The following HAS2 variants were observed in gnomAD, a reference collection of about 807,000 sequenced individuals.
HAS2 encodes hyaluronan synthase 2.
Under a neutral mutation model 51.6 loss-of-function variants are expected in HAS2, and 16 were observed. The observed-to-expected ratio is 0.31, with a 90% CI of 0.21 to 0.47. The LOEUF is 0.47. Among genes scored for constraint, HAS2 ranks in the 20% least tolerant of loss-of-function variants. The pLI, the probability that HAS2 is intolerant of heterozygous loss-of-function variation, is 1.00. For synonymous variants in HAS2, 228 were observed against 235.5 expected (o/e 0.97, Z 0.29); for missense variants, 361 against 662.6 (o/e 0.54, Z 5.00).
At chr8:121,627,560 G>T (rs889467271) in intron 2 of HAS2, among the ~76,000 whole-genome samples, 1 of 152,114 alleles carries the variant, frequency 6.6e-6, no homozygotes, top group African/African-American at 2.4e-5. Flanking sequence ...TTATATCAAT[G>T]ATAATATCAT....
In HAS2 at chr8:121,612,585, G is replaced by T. The variant is rs1812651450; in HGVS notation, c.*1524C>A. The T allele has an allele frequency of 6.6e-6, 1 of 152,062 alleles. No individual in the cohort carries two copies. Among genetic ancestry groups the T allele is most frequent in the Non-Finnish European group, 1.5e-5 (1 of 68,010 alleles). 9.4% of individuals were successfully genotyped at this position (152,062 alleles called of 1,614,324 possible). A position where few individuals can be genotyped will look rare whatever the true frequency, so the allele number is the denominator to read the frequency against. ...TGTGTTTTCAACACAGGTCTACACA[G>T]CACCAGCTACAAGGCAAGGTCAATC... On this transcript the variant is annotated 3_prime_UTR_variant, in exon 4 of 4. Transcript: ENST00000303924.
chr8:121,627,423 T>C (rs1485224191), intron 2 of HAS2, among the ~76,000 whole-genome samples: 1 of 152,140 alleles, frequency 6.6e-6, no homozygotes, highest in Non-Finnish European at 1.5e-5. Flanking sequence ...ATTAACATAA[T>C]GAAGAAATGT....
chr8:121,625,600 C>T (rs1812837071), intron 2 of HAS2, among the ~76,000 whole-genome samples: 1 of 151,394 alleles, frequency 6.6e-6, no homozygotes, highest in South Asian at 2.1e-4. Flanking sequence ...CAGCCTGGAC[C>T]TCCCAGGCTC....
rs969164651 is a variant in HAS2 at position 121,613,222 on chromosome 8, G to A, written c.*887C>T. 1 of 151,946 alleles carries A rather than the reference G, an allele frequency of 6.6e-6. No individual in the cohort carries two copies. Among genetic ancestry groups the A allele is most frequent in the Non-Finnish European group, 1.5e-5 (1 of 67,986 alleles). 9.4% of individuals were successfully genotyped at this position (151,946 alleles called of 1,614,324 possible). On this transcript the variant is annotated 3_prime_UTR_variant, in exon 4 of 4. Transcript: ENST00000303924. ...TTTTTTAAATCTTAATGAAAAAATT[G>A]CACTACCTTTGGCCTTGATTTTCAA...
intron 2 of HAS2, among the ~76,000 whole-genome samples, chr8:121,623,226 C>T (rs937459164): frequency 6.6e-6 from 1 of 151,980 alleles, no homozygotes; most frequent in Non-Finnish European, 1.5e-5. Context: ...CAATCTCTTC[C>T]AATTATTAAA....
Position 121,629,109 on chromosome 8 carries a change from G to A in HAS2, c.232C>T (p.Pro78Ser), listed in dbSNP as rs751650446. 33 of 1,613,926 alleles carry A rather than the reference G, an allele frequency of 2.0e-5. No individual in the cohort carries two copies. The highest frequency in any genetic ancestry group is 2.5e-5 in the Non-Finnish European group (30 of 1,179,988). Reference sequence around the variant, plus strand: ...GCAACTGTTTTGTTCAACTTTATGGGGGTTTCTAGGGATTTTTTCATTTTT... The same window carrying A: ...GCAACTGTTTTGTTCAACTTTATGGAGGTTTCTAGGGATTTTTTCATTTTT... Reference protein sequence around the residue: ...HRKMKKSLETPIKLNKTVALC... With the variant: ...HRKMKKSLETSIKLNKTVALC... Residue 78 changes from proline (P) to serine (S), a missense_variant, in exon 2 of 4, where the codon CCC becomes TCC. Physicochemically the swap from Pro to Ser is moderately conservative, Grantham distance 74. Transcript: ENST00000303924.
intron 2 of HAS2, among the ~76,000 whole-genome samples, chr8:121,620,403 A>C (rs11989302): frequency 9.7e-4 from 148 of 152,338 alleles, no homozygotes; most frequent in Middle Eastern, 3.4e-3. Flanking sequence ...TCTGTGGGAG[A>C]CATGCCCCAG....
At position 121,614,031 on chromosome 8, in the gene HAS2, A is replaced by G; in HGVS notation, c.*78T>C. The G allele has an allele frequency of 6.2e-7, 1 of 1,608,160 alleles. No homozygotes were observed. The highest frequency in any genetic ancestry group is 1.1e-5 in the South Asian group (1 of 90,512). Reference sequence around the variant, plus strand: ...GTGATATGTCTCCTTTGGTGGCATTATCTGATGCCACAATACTGTACAGCC... The same window carrying G: ...GTGATATGTCTCCTTTGGTGGCATTGTCTGATGCCACAATACTGTACAGCC... On this transcript the variant is annotated 3_prime_UTR_variant, in exon 4 of 4. Transcript: ENST00000303924. The surrounding 1 kb of genome is among the most constrained non-coding windows in gnomAD (Gnocchi z 7.2).
In HAS2 at chr8:121,613,849, G is replaced by A. The variant is rs956718950; in HGVS notation, c.*260C>T. The A allele has an allele frequency of 4.3e-5, 22 of 511,564 alleles. No individual in the cohort carries two copies. Among genetic ancestry groups the A allele is most frequent in the African/African-American group, 1.3e-4 (7 of 52,000 alleles). 31.7% of individuals were successfully genotyped at this position (511,564 alleles called of 1,614,324 possible). A position where few individuals can be genotyped will look rare whatever the true frequency, so the allele number is the denominator to read the frequency against. ...TATATAGGGCAAAACACTTTCAGGC[G>A]GATGCACAGTAAGGAAAAAGTGCAT... is the stretch of plus-strand genomic sequence containing the variant. On this transcript the variant is annotated 3_prime_UTR_variant, in exon 4 of 4. Coordinates refer to ENST00000303924, the MANE Select transcript of HAS2 (RefSeq NM_005328.3).
At chr8:121,622,371 T>C (rs1193268430) in intron 2 of HAS2, among the ~76,000 whole-genome samples, 1 of 152,138 alleles carries the variant, frequency 6.6e-6, no homozygotes, top group Non-Finnish European at 1.5e-5. Flanking sequence ...AATCCACCAT[T>C]AACCACCTAT....
At chr8:121,616,775 T>A (rs1812709752) in intron 3 of HAS2, among the ~76,000 whole-genome samples, 1 of 152,200 alleles carries the variant, frequency 6.6e-6, no homozygotes, top group Admixed American at 6.5e-5. Context: ...AAATAATTTT[T>A]AGCAGAACAT....
intron 3 of HAS2, among the ~76,000 whole-genome samples, chr8:121,615,940 G>C (rs2385924): frequency 6.6e-6 from 1 of 151,742 alleles, no homozygotes; most frequent in East Asian, 1.9e-4. Flanking sequence ...TCTCAATTTT[G>C]CCAGCTCCTT....
chr8:121,633,835 A>G (rs1586509835), intron 1 of HAS2, among the ~76,000 whole-genome samples: 1 of 152,086 alleles, frequency 6.6e-6, no homozygotes, highest in East Asian at 1.9e-4. Flanking sequence ...AAAGGAGAGT[A>G]ACATCTACTC....
intron 1 of HAS2, among the ~76,000 whole-genome samples, chr8:121,638,366 TCA>T (rs1023669962): frequency 7.0e-4 from 106 of 152,360 alleles, no homozygotes; most frequent in African/African-American, 2.2e-3. Flanking sequence ...TTAATGCTAG[TCA>T]CTGATTTGTT....
rs376215843 is a variant in HAS2 at position 121,613,311 on chromosome 8, T to C, written c.*798A>G. The C allele has an allele frequency of 6.6e-6, 1 of 152,630 alleles. No individual in the cohort carries two copies. The highest frequency in any genetic ancestry group is 1.9e-4 in the East Asian group (1 of 5,182). The allele number at this position is 152,630 out of a possible 1,614,324, so 9.5% of individuals were successfully genotyped here. On this transcript the variant is annotated 3_prime_UTR_variant, in exon 4 of 4. Transcript: ENST00000303924. ...TACTTCCAAAGTGTGATAGGTATAT[T>C]GGCCTTTTCTAAAAGAAATAAAAAC...
chr8:121,636,516 C>CT (rs1473809309), intron 1 of HAS2, among the ~76,000 whole-genome samples: 2 of 152,088 alleles, frequency 1.3e-5, no homozygotes, highest in Non-Finnish European at 2.9e-5. Context: ...GTATACAAGC[C>CT]TTTTTTACAG....
intron 3 of HAS2, among the ~76,000 whole-genome samples, chr8:121,615,472 G>A (rs960488682): frequency 3.3e-5 from 5 of 152,034 alleles, no homozygotes; most frequent in Non-Finnish European, 7.4e-5. Context: ...CTACAGGTGC[G>A]CGCCACCAGG....
chr8:121,637,982 A>T (rs1034949813), intron 1 of HAS2, among the ~76,000 whole-genome samples: 7 of 152,178 alleles, frequency 4.6e-5, no homozygotes, highest in Non-Finnish European at 7.3e-5. Context: ...AATGTAACAA[A>T]CTACTTGTTC....
At chr8:121,630,481 C>G (rs369824952) in intron 1 of HAS2, among the ~76,000 whole-genome samples, 10 of 152,092 alleles carry the variant, frequency 6.6e-5, no homozygotes, top group African/African-American at 2.4e-4. Context: ...GGTTGGCAAC[C>G]CTTTTTATTT....
Sources: gnomAD v4.1 joint callset for allele counts (sites outside exome capture counted in the v4.1 genomes callset) on GRCh38, gnomAD v4.1.1 for gene constraint, Gnocchi (gnomAD v3.1) non-coding constraint, MANE v1.5 for transcripts, NCBI Gene and HGNC (gene_info 2026-07-23, HGNC 2026-07-21) for gene names.